Variants in FHIT observed in about 807,000 individuals in gnomAD.
The protein encoded by FHIT is bis(5'-adenosyl)-triphosphatase.
FHIT carries 19 observed loss-of-function variants against 17.9 expected under a neutral mutation model. The observed-to-expected ratio is 1.06, with a 90% confidence interval of 0.74 to 1.56. The LOEUF (loss-of-function observed/expected upper bound fraction) is 1.56, where lower values mean the gene tolerates loss of function less well. Ranked by LOEUF, FHIT falls within the 40% of genes most tolerant of loss-of-function variation. The probability of loss-of-function intolerance (pLI) is 0.00; values close to 1 mark genes in which losing one functional copy is unlikely to be tolerated. For missense variants in FHIT, 248 were observed against 189.2 expected (o/e 1.31, Z -1.82); for synonymous variants, 81 against 69.7 (o/e 1.16, Z -0.81).
chr3:60,450,074 T>G (rs1402388553), intron 5 of FHIT, among the ~76,000 whole-genome samples: 1 of 149,488 alleles, frequency 6.7e-6, no homozygotes, highest in Non-Finnish European at 1.5e-5. Flanking sequence ...GCACTTAACA[T>G]GAATGAAGCT....
At chr3:60,404,853 T>A (rs1701792432) in intron 5 of FHIT, among the ~76,000 whole-genome samples, 1 of 152,146 alleles carries the variant, frequency 6.6e-6, no homozygotes, top group African/African-American at 2.4e-5. Context: ...ACCTCACTTT[T>A]CCAAGTTCCC....
chr3:59,993,113 G>A (rs1699358244), intron 7 of FHIT, among the ~76,000 whole-genome samples: 1 of 151,938 alleles, frequency 6.6e-6, no homozygotes, highest in Non-Finnish European at 1.5e-5. Context: ...ACTTCAATAG[G>A]TAAGAAAGTT....
At chr3:60,388,147 A>G (rs958854807) in intron 5 of FHIT, among the ~76,000 whole-genome samples, 21 of 152,188 alleles carry the variant, frequency 1.4e-4, no homozygotes, top group Admixed American at 1.4e-3. Flanking sequence ...ACCTAGTCTC[A>G]GGTATTCTTT....
rs578223957 is a variant in FHIT at position 60,837,573 on chromosome 3, A to G, written c.-110-15562T>C. Among the ~76,000 whole-genome samples the G allele has an allele frequency of 1.8e-3, 273 of 152,268 alleles. 3 individuals are homozygous for G. Among genetic ancestry groups the G allele is most frequent in the African/African-American group, 6.5e-3 (269 of 41,574 alleles). The stretch of plus-strand genomic sequence containing the variant: ...ATTCTGCTAATCTCTTCCCTGTATT[A>G]TAAGTGGTATATTTAGACCATTTAA... On this transcript the variant is annotated intron_variant, in intron 3 of 9. Transcript: ENST00000492590.
intron 4 of FHIT, chr3:60,732,261 T>C: frequency 2.2e-6 from 2 of 892,876 alleles, no homozygotes; most frequent in South Asian, 2.6e-5. Flanking sequence ...AAAGACCACA[T>C]GCTTGCCATC....
At position 59,749,104 on chromosome 3, in the gene FHIT, T is replaced by C. The variant is rs1444760758; in HGVS notation, c.*481A>G. On this transcript the variant is annotated 3_prime_UTR_variant, in exon 10 of 10. Transcript: ENST00000492590. ...TAAAGTCTAGCTATGTCCAAATATT[T>C]CATAATTGCCCTATTTACTAACACA... Among the ~76,000 whole-genome samples the C allele has an allele frequency of 1.3e-5, 2 of 152,126 alleles. No homozygotes were observed. Among genetic ancestry groups the C allele is most frequent in the Non-Finnish European group, 2.9e-5 (2 of 68,006 alleles).
chr3:60,330,679 T>C (rs963140173), intron 5 of FHIT, among the ~76,000 whole-genome samples: 7 of 152,188 alleles, frequency 4.6e-5, no homozygotes, highest in Admixed American at 4.6e-4. Context: ...AAGATGTATG[T>C]ACAAGGTGGT....
chr3:60,141,293 T>A (rs565523309), intron 5 of FHIT, among the ~76,000 whole-genome samples: 1 of 152,084 alleles, frequency 6.6e-6, no homozygotes, highest in South Asian at 2.1e-4. Flanking sequence ...TTGTGGGAAT[T>A]ACAATTGTTC....
intron 5 of FHIT, among the ~76,000 whole-genome samples, chr3:60,368,796 T>C (rs924524549): frequency 6.6e-6 from 1 of 152,156 alleles, no homozygotes; most frequent in African/African-American, 2.4e-5. Flanking sequence ...ACTTCTACAG[T>C]TTTTGCATTT....
chr3:60,948,528 C>T (rs1708735217), intron 3 of FHIT, among the ~76,000 whole-genome samples: 1 of 152,156 alleles, frequency 6.6e-6, no homozygotes, highest in Non-Finnish European at 1.5e-5. Context: ...CAGACTGTGG[C>T]CACTGTCAAA....
intron 5 of FHIT, among the ~76,000 whole-genome samples, chr3:60,411,480 T>G (rs1176832645): frequency 6.6e-6 from 1 of 152,168 alleles, no homozygotes; most frequent in East Asian, 1.9e-4. Flanking sequence ...ATTGAGGAAC[T>G]GCCAAACGTT....
At position 60,636,516 on chromosome 3, in the gene FHIT, G is replaced by A. The variant is rs543182598; in HGVS notation, c.-17-99537C>T. On this transcript the variant is annotated intron_variant, in intron 4 of 9. Transcript: ENST00000492590. ...TGGATGGACACAATGATCAAGAGGA[G>A]GAAGAATCCTGATAAATTCCTATGT... 3.1e-4 allele frequency among the ~76,000 whole-genome samples: 47 copies of A among 152,294 alleles called. 1 individual carries two copies. The South Asian group carries it at 8.9e-3, about 29-fold the overall frequency.
At chr3:60,212,344 A>T (rs576584751) in intron 5 of FHIT, among the ~76,000 whole-genome samples, 46 of 152,288 alleles carry the variant, frequency 3.0e-4, no homozygotes, top group Admixed American at 1.1e-3. Flanking sequence ...GCTTTGGTAG[A>T]AAGAATTAAA....
At chr3:59,792,988 G>A (rs555062273) in intron 8 of FHIT, among the ~76,000 whole-genome samples, 6 of 151,866 alleles carry the variant, frequency 4.0e-5, no homozygotes, top group South Asian at 2.1e-4. Context: ...ACCTCCATCC[G>A]CCTGCACTGT....
chr3:60,118,862 CA>C (rs368114180), intron 5 of FHIT, among the ~76,000 whole-genome samples: 37,162 of 136,416 alleles, frequency 0.27, 5,870 homozygotes, highest in Non-Finnish European at 0.36. Context: ...ACTGATAATA[CA>C]AAAAAAAAAT....
At chr3:60,484,561 C>T (rs1269216490) in intron 5 of FHIT, among the ~76,000 whole-genome samples, 1 of 152,122 alleles carries the variant, frequency 6.6e-6, no homozygotes, top group African/African-American at 2.4e-5. Flanking sequence ...CAAAAACAAG[C>T]AATGGGGAAA....
At chr3:60,559,700 G>C (rs182743555) in intron 4 of FHIT, among the ~76,000 whole-genome samples, 1 of 152,176 alleles carries the variant, frequency 6.6e-6, no homozygotes, top group East Asian at 1.9e-4. Flanking sequence ...GAAAGCATAT[G>C]TATCTCTGGG....
intron 5 of FHIT, among the ~76,000 whole-genome samples, chr3:60,437,048 TG>T (rs1349089075): frequency 6.6e-6 from 1 of 152,148 alleles, no homozygotes; most frequent in African/African-American, 2.4e-5. Context: ...GATTTGATTA[TG>T]TTTTCAATCT....
chr3:60,913,557 C>T (rs1175374592), intron 3 of FHIT, among the ~76,000 whole-genome samples: 1 of 152,202 alleles, frequency 6.6e-6, no homozygotes, highest in Non-Finnish European at 1.5e-5. Flanking sequence ...TACTGCTTAT[C>T]CCACTTTGGG....
Sources: gnomAD v4.1 joint callset for allele counts (sites outside exome capture counted in the v4.1 genomes callset) on GRCh38, gnomAD v4.1.1 for gene constraint, MANE v1.5 for transcripts, NCBI Gene and HGNC (gene_info 2026-07-23, HGNC 2026-07-21) for gene names.